The following CTNND2 variants were observed in gnomAD, a reference collection of about 807,000 sequenced individuals.
CTNND2 encodes the protein catenin delta-2.
A neutral mutation model predicts 144.4 loss-of-function variants in CTNND2; 22 were observed. That is an observed-to-expected ratio of 0.15 (90% CI 0.11 to 0.22). CTNND2 has a LOEUF of 0.22. CTNND2 is among the 10% of genes least tolerant of loss of function. The pLI is 1.00. For missense variants in CTNND2, 1,353 were observed against 1,618.8 expected (o/e 0.84, Z 2.82); for synonymous variants, 751 against 695.6 (o/e 1.08, Z -1.25).
At chr5:11,814,069 T>C (rs1398832508) in intron 1 of CTNND2, among the ~76,000 whole-genome samples, 2 of 152,250 alleles carry the variant, frequency 1.3e-5, no homozygotes, top group East Asian at 3.8e-4. Flanking sequence ...ACCTGACATA[T>C]ATTTTCATCA....
At chr5:11,856,368 G>A (rs1001785086) in intron 1 of CTNND2, among the ~76,000 whole-genome samples, 3 of 152,188 alleles carry the variant, frequency 2.0e-5, no homozygotes, top group Non-Finnish European at 4.4e-5. Context: ...AAAGTTGGGA[G>A]TGAGTGTCAT....
intron 10 of CTNND2, among the ~76,000 whole-genome samples, chr5:11,219,940 C>A (rs1739616651): frequency 6.6e-6 from 1 of 152,180 alleles, no homozygotes; most frequent in South Asian, 2.1e-4. Flanking sequence ...GGGCCTACTT[C>A]TCACTCCACC....
intron 2 of CTNND2, among the ~76,000 whole-genome samples, chr5:11,615,940 C>T (rs1474852422): frequency 6.6e-6 from 1 of 152,150 alleles, no homozygotes; most frequent in East Asian, 1.9e-4. Flanking sequence ...GTCATTTTAG[C>T]ACCATGAGAT....
intron 1 of CTNND2, among the ~76,000 whole-genome samples, chr5:11,759,069 A>G (rs1213207413): frequency 6.6e-6 from 1 of 152,104 alleles, no homozygotes; most frequent in African/African-American, 2.4e-5. Flanking sequence ...ATGTAAAAAA[A>G]CAAAATTTCT....
At chr5:11,418,802 T>C (rs16901615) in intron 3 of CTNND2, among the ~76,000 whole-genome samples, 23,959 of 151,986 alleles carry the variant, frequency 0.16, 4,291 homozygotes, top group African/African-American at 0.44. Context: ...TGAACACTTA[T>C]GGAATAAATA....
chr5:11,398,586 GA>G (rs367721323), intron 5 of CTNND2, among the ~76,000 whole-genome samples: 30 of 145,294 alleles, frequency 2.1e-4, no homozygotes, highest in African/African-American at 5.3e-4. Context: ...GCGGTTTCTG[GA>G]AAAAAAAAAG....
intron 10 of CTNND2, among the ~76,000 whole-genome samples, chr5:11,230,115 G>T (rs1050229274): frequency 1.4e-5 from 2 of 147,644 alleles, no homozygotes; most frequent in Non-Finnish European, 3.0e-5. Context: ...ACTATCGCAA[G>T]AACAAAAAAC....
At chr5:11,377,969 T>C (rs868836309) in intron 7 of CTNND2, among the ~76,000 whole-genome samples, 4 of 152,128 alleles carry the variant, frequency 2.6e-5, no homozygotes, top group African/African-American at 4.8e-5. Flanking sequence ...GGGCTTAGCA[T>C]GTATAAAGGA....
chr5:11,145,753 C>T (rs778473908), intron 12 of CTNND2, among the ~76,000 whole-genome samples: 16 of 152,116 alleles, frequency 1.1e-4, no homozygotes, highest in Non-Finnish European at 1.6e-4. Flanking sequence ...CATGGTTCCA[C>T]GCAGTCTACG....
intron 3 of CTNND2, among the ~76,000 whole-genome samples, chr5:11,497,631 T>C (rs577625730): frequency 4.4e-4 from 66 of 149,216 alleles, no homozygotes; most frequent in African/African-American, 1.5e-3. Flanking sequence ...GGAGAATTAA[T>C]AGACACAGGC....
intron 5 of CTNND2, among the ~76,000 whole-genome samples, chr5:11,404,328 T>C (rs1760891000): frequency 6.6e-6 from 1 of 152,218 alleles, no homozygotes; most frequent in Non-Finnish European, 1.5e-5. Context: ...GGCTTTGTCC[T>C]TCTGCAAAGC....
chr5:11,377,230 A>C (rs934311949), intron 7 of CTNND2, among the ~76,000 whole-genome samples: 1 of 149,852 alleles, frequency 6.7e-6, no homozygotes, highest in Non-Finnish European at 1.5e-5. Flanking sequence ...TTTTTTTTGT[A>C]TTTTTTAGTA....
At chr5:11,005,565 T>C (rs552178311) in intron 18 of CTNND2, among the ~76,000 whole-genome samples, 18 of 152,064 alleles carry the variant, frequency 1.2e-4, no homozygotes, top group African/African-American at 4.3e-4. Flanking sequence ...ATCATCAGGG[T>C]TTGTGAAAAA....
chr5:11,123,301 C>T (rs950401915), intron 12 of CTNND2, among the ~76,000 whole-genome samples: 3 of 152,190 alleles, frequency 2.0e-5, no homozygotes, highest in Non-Finnish European at 4.4e-5. Context: ...CACTGGATAT[C>T]GACTGGATGA....
At chr5:11,715,314 T>C (rs991485156) in intron 2 of CTNND2, among the ~76,000 whole-genome samples, 8 of 152,202 alleles carry the variant, frequency 5.3e-5, no homozygotes, top group South Asian at 2.1e-4. Flanking sequence ...AGGTTGTCGC[T>C]GCTTTATTTG....
chr5:11,221,900 G>A (rs149313589), intron 10 of CTNND2, among the ~76,000 whole-genome samples: 164 of 152,256 alleles, frequency 1.1e-3, no homozygotes, highest in African/African-American at 3.8e-3. Context: ...CAAAAGAAAT[G>A]ACCAGAATGC....
In CTNND2 at chr5:11,397,037, G is replaced by A. The variant is rs1242174008; in HGVS notation, c.606C>T (p.Phe202=). 6 of 1,613,048 alleles carry A rather than the reference G, an allele frequency of 3.7e-6. No homozygotes were observed. Among genetic ancestry groups the A allele is most frequent in the Middle Eastern group, 3.7e-4 (2 of 5,436 alleles). The change falls in exon 6 of 22, where the codon TTC becomes TTT. Residue 202 remains phenylalanine, a synonymous_variant. Coordinates refer to ENST00000304623, the MANE Select transcript of CTNND2 (RefSeq NM_001332.4). The stretch of plus-strand genomic sequence containing the variant: ...TACAGCACTGGGTACCTACCTGGCT[G>A]AAGCTCTGGCCCGTAGCTCGGGCTT... ...GTQARATGQS[F]SQGTTSRAGH... is the part of the protein sequence containing the mutation.
rs1293518741 is a variant in CTNND2, at chr5:11,841,608, A to G, written c.37+62209T>C. Among the ~76,000 whole-genome samples, 4 of 152,178 alleles carry G rather than the reference A, an allele frequency of 2.6e-5. No individual in the cohort carries two copies. In the East Asian group the frequency reaches 7.7e-4, roughly 29 times the overall value. ...ACAATAACAGCTAGTGGTGAGAAAG[A>G]GAAATGAAGCAGGCCAGGAGATGGA... is the stretch of plus-strand genomic sequence containing the variant. On this transcript the variant is annotated intron_variant, in intron 1 of 21. Transcript: ENST00000304623.
intron 12 of CTNND2, among the ~76,000 whole-genome samples, chr5:11,141,749 C>G (rs900462963): frequency 1.2e-4 from 18 of 152,100 alleles, no homozygotes; most frequent in African/African-American, 4.3e-4. Flanking sequence ...CATCTATGGC[C>G]AATTTTGGTC....
Sources: allele counts gnomAD v4.1 joint callset (sites outside exome capture counted in the v4.1 genomes callset), GRCh38; gene constraint gnomAD v4.1.1; transcripts MANE v1.5; gene names NCBI Gene and HGNC (gene_info 2026-07-23, HGNC 2026-07-21).